Variants in MEF2A observed in about 807,000 individuals in gnomAD.
MEF2A encodes the protein myocyte-specific enhancer factor 2A.
A neutral mutation model predicts 55.8 loss-of-function variants in MEF2A; 28 were observed. The ratio of observed to expected loss-of-function variants is 0.50; its 90% CI spans 0.37 to 0.69. The LOEUF (loss-of-function observed/expected upper bound fraction) is 0.69. MEF2A is among the 30% of genes least tolerant of loss of function. The pLI is 0.00. For synonymous variants in MEF2A, 239 were observed against 227.1 expected, an observed-to-expected ratio of 1.05 and a Z score of -0.47; for missense variants, 528 against 626.2, an observed-to-expected ratio of 0.84 and a Z score of 1.67.
At chr15:99,700,936 C>A (rs537646204) in intron 8 of MEF2A, among the ~76,000 whole-genome samples, 1 of 152,180 alleles carries the variant, frequency 6.6e-6, no homozygotes, top group East Asian at 1.9e-4. Flanking sequence ...AGGGACAACT[C>A]TTCCTTAGAA....
chr15:99,630,286 C>T (rs1363139923), intron 2 of MEF2A, among the ~76,000 whole-genome samples: 1 of 151,936 alleles, frequency 6.6e-6, no homozygotes, highest in Non-Finnish European at 1.5e-5. Context: ...CTATATTTCT[C>T]ATTCTCTTTT....
chr15:99,567,776 T>TTA (rs1960361826), intron 1 of MEF2A, among the ~76,000 whole-genome samples: 1 of 152,162 alleles, frequency 6.6e-6, no homozygotes, highest in Non-Finnish European at 1.5e-5. Flanking sequence ...TTATATTAAA[T>TTA]GTCATAAACA....
chr15:99,664,858 G>T (rs920914850), intron 4 of MEF2A, among the ~76,000 whole-genome samples: 7 of 152,136 alleles, frequency 4.6e-5, no homozygotes, highest in Non-Finnish European at 7.4e-5. Flanking sequence ...TTGGATGAAG[G>T]CATAAACATT....
At chr15:99,672,988 C>T (rs1157086758) in intron 5 of MEF2A, among the ~76,000 whole-genome samples, 1 of 152,108 alleles carries the variant, frequency 6.6e-6, no homozygotes, top group South Asian at 2.1e-4. Context: ...ATTTTATTAC[C>T]CTTTGTGGAT....
chr15:99,622,601 CA>C (rs2041371616), intron 2 of MEF2A, among the ~76,000 whole-genome samples: 1 of 151,972 alleles, frequency 6.6e-6, no homozygotes, highest in African/African-American at 2.4e-5. Context: ...TAGAATTTAC[CA>C]CTTTAACCCT....
At chr15:99,587,120 C>T (rs1178391189) in intron 1 of MEF2A, among the ~76,000 whole-genome samples, 1 of 151,818 alleles carries the variant, frequency 6.6e-6, no homozygotes, top group Non-Finnish European at 1.5e-5. Flanking sequence ...TGGTTTGTTA[C>T]ATAGGTATAC....
intron 1 of MEF2A, among the ~76,000 whole-genome samples, chr15:99,575,403 A>C (rs1963954093): frequency 6.6e-6 from 1 of 152,152 alleles, no homozygotes. Context: ...GATGTCCATC[A>C]GTTTGGATTT....
At chr15:99,601,029 G>A (rs1386715783) in intron 2 of MEF2A, among the ~76,000 whole-genome samples, 3 of 152,156 alleles carry the variant, frequency 2.0e-5, no homozygotes, top group African/African-American at 7.2e-5. Context: ...TAATGCGTGA[G>A]CTTGGTACCT....
rs1281731428 is a variant in MEF2A, at chr15:99,652,864, C to T, written c.258+7100C>T. On this transcript the variant is annotated intron_variant, in intron 4 of 11. Coordinates refer to ENST00000557942, the MANE Select transcript of MEF2A (RefSeq NM_001319206.4). Reference sequence around the variant, plus strand: ...TTAAATTTATTGTACTGATGTTTGTCGTACTATGTACCAGGCATTTTGCTA... The same window carrying T: ...TTAAATTTATTGTACTGATGTTTGTTGTACTATGTACCAGGCATTTTGCTA... Among the ~76,000 whole-genome samples the T allele has an allele frequency of 3.9e-5, 6 of 152,284 alleles. No individual in the cohort carries two copies. The South Asian group carries it at 6.2e-4, about 16-fold the overall frequency.
At chr15:99,622,864 G>A (rs2041451668) in intron 2 of MEF2A, among the ~76,000 whole-genome samples, 1 of 151,950 alleles carries the variant, frequency 6.6e-6, no homozygotes, top group Admixed American at 6.5e-5. Context: ...ACCATGCCCG[G>A]CTAATTTTTT....
chr15:99,676,809 A>G (rs1178831392), intron 7 of MEF2A, among the ~76,000 whole-genome samples: 1 of 152,098 alleles, frequency 6.6e-6, no homozygotes, highest in Non-Finnish European at 1.5e-5. Context: ...CGACCTGGTG[A>G]TCTGCCTGCC....
Position 99,591,599 on chromosome 15 carries a change from G to A in MEF2A, c.-224-6831G>A, listed in dbSNP as rs151328064. Among the ~76,000 whole-genome samples, 30 of 152,032 alleles carry A rather than the reference G, an allele frequency of 2.0e-4. No homozygotes were observed. The East Asian group carries it at 3.5e-3, about 18-fold the overall frequency. ...TTGGACCTTTTTCTGGCCCTATTTCGTCATGTATTTTTTGTTTCTCCTTCC... is the reference window on the plus strand; with the variant it reads ...TTGGACCTTTTTCTGGCCCTATTTCATCATGTATTTTTTGTTTCTCCTTCC... On this transcript the variant is annotated intron_variant, in intron 1 of 11. Coordinates refer to ENST00000557942, the MANE Select transcript of MEF2A (RefSeq NM_001319206.4).
intron 5 of MEF2A, chr15:99,671,674 G>T: frequency 6.5e-7 from 1 of 1,550,104 alleles, no homozygotes; most frequent in South Asian, 1.2e-5. Context: ...ACTAAAGTAT[G>T]GTTTGTGCTT....
At chr15:99,622,073 A>G (rs2153275769) in intron 2 of MEF2A, among the ~76,000 whole-genome samples, 1 of 152,336 alleles carries the variant, frequency 6.6e-6, no homozygotes, top group East Asian at 1.9e-4. Flanking sequence ...AACATTTGTA[A>G]TCAGTATTAG....
intron 7 of MEF2A, among the ~76,000 whole-genome samples, chr15:99,677,300 C>G (rs1238813130): frequency 1.3e-5 from 2 of 151,962 alleles, no homozygotes; most frequent in South Asian, 4.1e-4. Context: ...TTACTAGGCA[C>G]AGACTTTGAC....
intron 1 of MEF2A, among the ~76,000 whole-genome samples, chr15:99,589,299 T>C (rs1349827814): frequency 1.3e-5 from 2 of 152,224 alleles, no homozygotes; most frequent in Non-Finnish European, 2.9e-5. Flanking sequence ...TTCTAAGAAA[T>C]TTTGTCTACT....
At chr15:99,703,465 A>G (rs1402134700) in intron 9 of MEF2A, 80 bp downstream of exon 9, 24 of 1,438,792 alleles carry the variant, frequency 1.7e-5, no homozygotes, top group South Asian at 4.2e-5. Flanking sequence ...TATCTAACCA[A>G]TGTTCCCTTT....
rs767537752 is a variant in MEF2A at position 99,706,712 on chromosome 15, CTT to C, written c.883-12_883-11del. 17 of 1,609,948 alleles carry C rather than the reference CTT, an allele frequency of 1.1e-5. No individual in the cohort carries two copies. The highest frequency in any genetic ancestry group is 1.7e-5 in the Admixed American group (1 of 59,978). The stretch of plus-strand genomic sequence containing the variant: ...AATACCACATCAGAACACATTTTCT[CTT>C]TTTTGATCTCACAGAATACCCAGAG... On this transcript the variant is annotated splice_polypyrimidine_tract_variant and intron_variant, in intron 9 of 11. Transcript: ENST00000557942.
At chr15:99,671,772 G>T in intron 5 of MEF2A, 1 of 1,105,900 alleles carries the variant, frequency 9.0e-7, no homozygotes. Flanking sequence ...GGGAAGAAAT[G>T]CATTTTATTA....
Sources: gnomAD v4.1 joint callset for allele counts (sites outside exome capture counted in the v4.1 genomes callset) on GRCh38, gnomAD v4.1.1 for gene constraint, MANE v1.5 for transcripts, NCBI Gene and HGNC (gene_info 2026-07-23, HGNC 2026-07-21) for gene names.